Variants in STON2 observed in about 807,000 individuals in gnomAD.
STON2 encodes stonin-2.
In STON2, 29 loss-of-function variants were observed where a neutral mutation model predicts 65.7. The observed-to-expected ratio is 0.44, with a 90% confidence interval of 0.33 to 0.60. The LOEUF (loss-of-function observed/expected upper bound fraction) is 0.60, where lower values mean the gene tolerates loss of function less well. Among genes scored for constraint, STON2 ranks in the 20% least tolerant of loss-of-function variants. The pLI, the probability that STON2 is intolerant of heterozygous loss-of-function variation, is 0.03. For synonymous variants in STON2, 404 were observed against 414.2 expected (o/e 0.98, Z 0.30); for missense variants, 1,054 against 1,118.1 (o/e 0.94, Z 0.82).
At chr14:81,331,213 T>C (rs1897201240) in intron 4 of STON2, among the ~76,000 whole-genome samples, 1 of 152,242 alleles carries the variant, frequency 6.6e-6, no homozygotes. Flanking sequence ...CTAGAATGTA[T>C]TATTTCTTTA....
intron 4 of STON2, among the ~76,000 whole-genome samples, chr14:81,360,118 A>G (rs1898425194): frequency 1.3e-5 from 2 of 152,192 alleles, no homozygotes; most frequent in Admixed American, 1.3e-4. Flanking sequence ...ATAAAGAAGA[A>G]TTCCAATCCT....
chr14:81,289,559 G>A (rs1283293649), intron 5 of STON2, among the ~76,000 whole-genome samples: 1 of 152,080 alleles, frequency 6.6e-6, no homozygotes, highest in Non-Finnish European at 1.5e-5. Flanking sequence ...GGAGTATGGG[G>A]GAATTTATCT....
intron 2 of STON2, among the ~76,000 whole-genome samples, chr14:81,406,406 T>C (rs1022256979): frequency 6.6e-6 from 1 of 152,198 alleles, no homozygotes; most frequent in Non-Finnish European, 1.5e-5. Context: ...TCTGCCTTTT[T>C]TGGTAAATAA....
Position 81,341,458 on chromosome 14 carries a change from T to G in STON2, c.572-17271A>C, listed in dbSNP as rs1450338243. ...TCATTTTATAAGTGTTTTTTTTTTG[T>G]TTTTTTTTTTTCCCAAAAGTCTGGC... On this transcript the variant is annotated intron_variant, in intron 4 of 7. Transcript: ENST00000614646. Among the ~76,000 whole-genome samples, 15 of 108,912 alleles carry G rather than the reference T, an allele frequency of 1.4e-4. No homozygotes were observed. The South Asian group carries it at 1.6e-3, about 12-fold the overall frequency. 71.5% of individuals were successfully genotyped at this position (108,912 alleles called of 152,430 possible). A position where few individuals can be genotyped will look rare whatever the true frequency, so the allele number is the denominator to read the frequency against.
In STON2 at chr14:81,263,255, T is replaced by C. The variant is rs929056697; in HGVS notation, c.*5159A>G. 3.6e-6 allele frequency: 3 copies of C among 822,276 alleles called. No homozygotes were observed. The highest frequency in any genetic ancestry group is 3.7e-5 in the African/African-American group (2 of 53,802). The allele number at this position is 822,276 out of a possible 1,614,324, so 50.9% of individuals were successfully genotyped here. The stretch of plus-strand genomic sequence containing the variant: ...AACTTTCTTAAAACATTATGCTATT[T>C]TGGCCAGGCGCGGCGGCTCATGCCT... On this transcript the variant is annotated 3_prime_UTR_variant, in exon 8 of 8. Transcript: ENST00000614646.
At chr14:81,319,183 G>A (rs2140236792) in intron 5 of STON2, among the ~76,000 whole-genome samples, 1 of 152,338 alleles carries the variant, frequency 6.6e-6, no homozygotes, top group East Asian at 1.9e-4. Flanking sequence ...AACAGATTTT[G>A]TGGTTGTTTG....
chr14:81,302,974 T>C (rs1467048223), intron 5 of STON2, among the ~76,000 whole-genome samples: 3 of 152,058 alleles, frequency 2.0e-5, no homozygotes, highest in Non-Finnish European at 4.4e-5. Context: ...AGTAGAAAAA[T>C]ATTTGCTGAG....
At chr14:81,341,426 T>C (rs994994939) in intron 4 of STON2, among the ~76,000 whole-genome samples, 1 of 151,218 alleles carries the variant, frequency 6.6e-6, no homozygotes, top group African/African-American at 2.4e-5. Context: ...TCTTGCTTTA[T>C]ATTTCCTCAT....
chr14:81,279,856 C>T lies in STON2; in HGVS notation c.743-1117G>A, dbSNP rs139726173. Among the ~76,000 whole-genome samples the T allele has an allele frequency of 1.9e-3, 285 of 152,272 alleles. 1 individual carries two copies. The highest frequency in any genetic ancestry group is 6.5e-3 in the African/African-American group (272 of 41,534). On this transcript the variant is annotated intron_variant, in intron 5 of 7. Coordinates refer to ENST00000614646, the MANE Select transcript of STON2 (RefSeq NM_001394390.1). ...GGGCAATTTATATTAAGGATCTTAACACATGTTAATAAACAATGACTTAGT... is the reference window on the plus strand; with the variant it reads ...GGGCAATTTATATTAAGGATCTTAATACATGTTAATAAACAATGACTTAGT...
chr14:81,364,531 T>G (rs1381525429), intron 4 of STON2, among the ~76,000 whole-genome samples: 3 of 152,098 alleles, frequency 2.0e-5, no homozygotes, highest in East Asian at 3.9e-4. Context: ...TTATGTATGT[T>G]TGGGTTTCTG....
At chr14:81,401,665 G>A (rs1031329118), upstream of STON2, among the ~76,000 whole-genome samples, 1 of 152,196 alleles carries the variant, frequency 6.6e-6, no homozygotes, top group African/African-American at 2.4e-5. Context: ...AATGAGTGGT[G>A]ACTCAGTATC....
At chr14:81,425,102 ATAAT>A (rs1380139415) in intron 2 of STON2, among the ~76,000 whole-genome samples, 1 of 152,230 alleles carries the variant, frequency 6.6e-6, no homozygotes, top group Admixed American at 6.5e-5. Context: ...AGCAGACATA[ATAAT>A]TAGAGAATGG....
intron 4 of STON2, among the ~76,000 whole-genome samples, chr14:81,326,749 T>C (rs1275445658): frequency 6.6e-6 from 1 of 152,222 alleles, no homozygotes; most frequent in Non-Finnish European, 1.5e-5. Flanking sequence ...ATCAATACTT[T>C]CCTATTTTCT....
At chr14:81,374,005 T>TTTC (rs1899132279) in intron 3 of STON2, among the ~76,000 whole-genome samples, 3 of 118,678 alleles carry the variant, frequency 2.5e-5, no homozygotes, top group African/African-American at 7.0e-5. Context: ...ATGCCTTTTT[T>TTTC]TTTTTTTTTT....
intron 4 of STON2, among the ~76,000 whole-genome samples, chr14:81,360,667 C>G (rs1241493052): frequency 1.3e-5 from 2 of 151,982 alleles, no homozygotes; most frequent in East Asian, 3.9e-4. Context: ...ATTGAAAATC[C>G]TTAGAGAAAT....
chr14:81,315,793 A>G (rs1161923470), intron 5 of STON2, among the ~76,000 whole-genome samples: 2 of 152,242 alleles, frequency 1.3e-5, no homozygotes, highest in Non-Finnish European at 2.9e-5. Context: ...CAGAGCAGAC[A>G]TGGCCCTTGG....
At chr14:81,300,257 C>CCCTT (rs1443613276) in intron 5 of STON2, among the ~76,000 whole-genome samples, 2 of 151,862 alleles carry the variant, frequency 1.3e-5, no homozygotes, top group African/African-American at 4.8e-5. Context: ...TAGACCTTTA[C>CCCTT]CCTTCCTTCT....
intron 4 of STON2, among the ~76,000 whole-genome samples, chr14:81,337,880 C>T (rs1897436251): frequency 6.6e-6 from 1 of 152,088 alleles, no homozygotes; most frequent in African/African-American, 2.4e-5. Flanking sequence ...GAGAGGATCA[C>T]TTGAACCTAG....
intron 4 of STON2, among the ~76,000 whole-genome samples, chr14:81,332,418 C>T (rs1360271719): frequency 6.6e-6 from 1 of 152,022 alleles, no homozygotes; most frequent in African/African-American, 2.4e-5. Context: ...GCAAAGAAAC[C>T]CAACCATTTT....
Sources: gnomAD v4.1 joint callset for allele counts (sites outside exome capture counted in the v4.1 genomes callset) on GRCh38, gnomAD v4.1.1 for gene constraint, MANE v1.5 for transcripts, NCBI Gene and HGNC (gene_info 2026-07-23, HGNC 2026-07-21) for gene names.